The following AJAP1 variants were observed in gnomAD, a reference collection of about 807,000 sequenced individuals.
AJAP1 encodes the protein adherens junctions associated protein 1.
In AJAP1, 5 loss-of-function variants were observed where a neutral mutation model predicts 35.0. The observed-to-expected ratio is 0.14, with a 90% CI of 0.07 to 0.30. The LOEUF is 0.30. Among genes scored for constraint, AJAP1 ranks in the 10% least tolerant of loss-of-function variants. AJAP1 has a pLI of 1.00. For synonymous variants in AJAP1, 284 were observed against 249.3 expected (o/e 1.14, Z -1.31); for missense variants, 586 against 571.0 (o/e 1.03, Z -0.27).
At chr1:4,726,974 G>T (rs1204816203) in intron 2 of AJAP1, among the ~76,000 whole-genome samples, 1 of 152,224 alleles carries the variant, frequency 6.6e-6, no homozygotes, top group Non-Finnish European at 1.5e-5. Flanking sequence ...GTGGCTTCTG[G>T]GGGATGCGGA....
chr1:4,772,816 G>A (rs1244667200), intron 4 of AJAP1, among the ~76,000 whole-genome samples: 5 of 152,272 alleles, frequency 3.3e-5, no homozygotes, highest in South Asian at 2.1e-4. Context: ...GCTCTGAACC[G>A]TCATCCTTCG....
chr1:4,709,242 G>T (rs555707638), intron 1 of AJAP1, among the ~76,000 whole-genome samples: 10 of 144,264 alleles, frequency 6.9e-5, no homozygotes, highest in Non-Finnish European at 1.4e-4. Context: ...GTGGGGCCTG[G>T]TGGGGGCCGG....
At chr1:4,736,150 GC>G (rs1239959228) in intron 2 of AJAP1, among the ~76,000 whole-genome samples, 1 of 152,232 alleles carries the variant, frequency 6.6e-6, no homozygotes, top group East Asian at 1.9e-4. Context: ...CATGGTAAAG[GC>G]TGCAGAGGTG....
Position 4,659,969 on chromosome 1 carries a change from C to G in AJAP1, c.29+4515C>G, listed in dbSNP as rs1178756094. Among the ~76,000 whole-genome samples, 3 of 152,174 alleles carry G rather than the reference C, an allele frequency of 2.0e-5. No individual in the cohort carries two copies. In the East Asian group the frequency reaches 5.8e-4, roughly 29 times the overall value. On this transcript the variant is annotated intron_variant, in intron 1 of 5. Transcript: ENST00000378191. ...TCTGCATAAACCGCCCCTTAATCTC[C>G]GTGGAATTAAAAGTAGGTATAAATA...
At position 4,712,315 on chromosome 1, in the gene AJAP1, C is replaced by G. The variant is rs1450407027; in HGVS notation, c.445C>G (p.Gln149Glu). 3 of 1,488,612 alleles carry G rather than the reference C, an allele frequency of 2.0e-6. No individual in the cohort carries two copies. Among genetic ancestry groups the G allele is most frequent in the African/African-American group, 2.8e-5 (2 of 71,032 alleles). The allele number at this position is 1,488,612 out of a possible 1,614,324, so 92.2% of individuals were successfully genotyped here. A position where few individuals can be genotyped will look rare whatever the true frequency, so the allele number is the denominator to read the frequency against. Residue 149 changes from glutamine to glutamate, a missense_variant, in exon 2 of 6, where the codon CAG (glutamine) becomes GAG (glutamate). Coordinates refer to ENST00000378191, the MANE Select transcript of AJAP1 (RefSeq NM_018836.4). Reference protein sequence around the residue: ...SAVAGGAPEQQALLRRGKRHL... With the variant: ...SAVAGGAPEQEALLRRGKRHL... Reference sequence around the variant, plus strand: ...GGTGGCCGGTGGGGCCCCGGAGCAGCAGGCCCTCCTGAGGAGGGGCAAGAG... The same window carrying G: ...GGTGGCCGGTGGGGCCCCGGAGCAGGAGGCCCTCCTGAGGAGGGGCAAGAG...
At chr1:4,695,489 C>T (rs1053272696) in intron 1 of AJAP1, among the ~76,000 whole-genome samples, 5 of 152,156 alleles carry the variant, frequency 3.3e-5, no homozygotes, top group African/African-American at 1.2e-4. Flanking sequence ...CCATGAGGCT[C>T]CAGGGGAGAG....
At chr1:4,740,556 C>T (rs1362527915) in intron 2 of AJAP1, among the ~76,000 whole-genome samples, 11 of 151,786 alleles carry the variant, frequency 7.2e-5, no homozygotes, top group African/African-American at 9.7e-5. Context: ...GAGGCCGAGG[C>T]GGGCAGATCA....
At chr1:4,667,934 G>T (rs1639168560) in intron 1 of AJAP1, among the ~76,000 whole-genome samples, 2 of 152,214 alleles carry the variant, frequency 1.3e-5, no homozygotes, top group Non-Finnish European at 1.5e-5. Flanking sequence ...TTAGGGTAAG[G>T]CCAGGAGTGT....
rs947081909 is a variant in AJAP1 at position 4,655,075 on chromosome 1, C to A, written c.-351C>A. On this transcript the variant is annotated 5_prime_UTR_variant, in exon 1 of 6. Transcript: ENST00000378191. The surrounding 1 kb of genome is among the most constrained non-coding windows in gnomAD (Gnocchi z 6.9). ...GCCCCGGAGGGCGAAGCCGCGGCTC[C>A]CCAGCCCTTTGCTGCGCCGCGACAG... 6.6e-6 allele frequency: 1 copy of A among 150,692 alleles called. No individual in the cohort carries two copies. The allele number at this position is 150,692 out of a possible 1,614,324, so 9.3% of individuals were successfully genotyped here. A position where few individuals can be genotyped will look rare whatever the true frequency, so the allele number is the denominator to read the frequency against.
intron 2 of AJAP1, among the ~76,000 whole-genome samples, chr1:4,745,227 G>A (rs1641161942): frequency 6.6e-6 from 1 of 152,160 alleles, no homozygotes; most frequent in Non-Finnish European, 1.5e-5. Context: ...GGAGAGTCTA[G>A]GGCGACAATT....
At chr1:4,701,999 A>G (rs1441131285) in intron 1 of AJAP1, among the ~76,000 whole-genome samples, 1 of 152,214 alleles carries the variant, frequency 6.6e-6, no homozygotes, top group Non-Finnish European at 1.5e-5. Flanking sequence ...TACAGGTCAC[A>G]GGAGTTACTG....
intron 2 of AJAP1, among the ~76,000 whole-genome samples, chr1:4,756,471 G>C (rs906768416): frequency 6.6e-6 from 1 of 152,136 alleles, no homozygotes; most frequent in African/African-American, 2.4e-5. Flanking sequence ...TGCCCTCCTG[G>C]GTCAATGTCT....
chr1:4,706,795 A>C (rs746654173), intron 1 of AJAP1, among the ~76,000 whole-genome samples: 12 of 152,202 alleles, frequency 7.9e-5, no homozygotes, highest in Non-Finnish European at 1.6e-4. Context: ...TAGTGAATTG[A>C]ATCTCAATTC....
chr1:4,684,666 A>G (rs966260034), intron 1 of AJAP1, among the ~76,000 whole-genome samples: 3 of 152,164 alleles, frequency 2.0e-5, no homozygotes, highest in Admixed American at 6.5e-5. Flanking sequence ...ATGGACCTAC[A>G]TCATTCAAGA....
chr1:4,671,150 C>T (rs1211467540), intron 1 of AJAP1, among the ~76,000 whole-genome samples: 2 of 152,166 alleles, frequency 1.3e-5, no homozygotes, highest in African/African-American at 4.8e-5. Flanking sequence ...GGGAAGATCA[C>T]TTGAGGTCAG....
chr1:4,735,877 G>A (rs920855566), intron 2 of AJAP1, among the ~76,000 whole-genome samples: 3 of 152,234 alleles, frequency 2.0e-5, no homozygotes, highest in Non-Finnish European at 4.4e-5. Context: ...CAGCCCTGGG[G>A]CCCGCCTCCT....
At chr1:4,709,445 G>A (rs1640176912) in intron 1 of AJAP1, among the ~76,000 whole-genome samples, 2 of 152,042 alleles carry the variant, frequency 1.3e-5, no homozygotes, top group Non-Finnish European at 2.9e-5. Flanking sequence ...AGGCCTGGAA[G>A]ACCATGGCAG....
At chr1:4,762,857 T>C (rs2100348929) in intron 2 of AJAP1, among the ~76,000 whole-genome samples, 1 of 152,294 alleles carries the variant, frequency 6.6e-6, no homozygotes, top group Non-Finnish European at 1.5e-5. Context: ...AATGCGCTAA[T>C]TCACTTGGCA....
intron 2 of AJAP1, among the ~76,000 whole-genome samples, chr1:4,762,445 G>C (rs1251478284): frequency 3.9e-5 from 6 of 152,218 alleles, no homozygotes; most frequent in Non-Finnish European, 5.9e-5. Context: ...ACTGGGGTCA[G>C]CCATGCCAAG....
Sources: gnomAD v4.1 joint callset for allele counts (sites outside exome capture counted in the v4.1 genomes callset) on GRCh38, gnomAD v4.1.1 for gene constraint, Gnocchi (gnomAD v3.1) non-coding constraint, MANE v1.5 for transcripts, NCBI Gene and HGNC (gene_info 2026-07-23, HGNC 2026-07-21) for gene names.